ZNF556: variants seen among roughly 807,000 people sequenced by gnomAD.
ZNF556 encodes zinc finger protein 556.
Under a neutral mutation model 13.6 loss-of-function variants are expected in ZNF556, and 11 were observed. The ratio of observed to expected loss-of-function variants is 0.81; its 90% CI spans 0.51 to 1.33. ZNF556 has a LOEUF of 1.33. Among genes scored for constraint, ZNF556 ranks in the 40% most tolerant of loss-of-function variants. The pLI is 0.00. For synonymous variants in ZNF556, 229 were observed against 207.8 expected, an observed-to-expected ratio of 1.10 and a Z score of -0.88; for missense variants, 633 against 566.2, an observed-to-expected ratio of 1.12 and a Z score of -1.20.
chr19:2,871,065 A>G (rs377758762), intron 1 of ZNF556, among the ~76,000 whole-genome samples: 1 of 150,688 alleles, frequency 6.6e-6, no homozygotes, highest in East Asian at 2.0e-4. Flanking sequence ...TCTAAAGACT[A>G]TGACACAGGA....
Position 2,877,566 on chromosome 19 carries a change from A to C in ZNF556, c.608A>C (p.Tyr203Ser), listed in dbSNP as rs758662183. Residue 203 changes from tyrosine to serine, a missense_variant, in exon 4 of 4, where the codon TAT becomes TCT. Physicochemically the swap from Tyr to Ser is moderately radical, Grantham distance 144. Coordinates refer to ENST00000307635, the MANE Select transcript of ZNF556 (RefSeq NM_024967.3). The part of the protein sequence containing the change: ...HEKTHSGEKP[Y>S]ACQSCGKTFL... ...AAAACTCACAGTGGAGAGAAACCCT[A>C]TGCCTGTCAATCTTGCGGGAAGACA... The C allele has an allele frequency of 1.3e-5, 21 of 1,614,090 alleles. No homozygotes were observed. The Middle Eastern group carries it at 4.9e-4, about 38-fold the overall frequency.
Position 2,877,346 on chromosome 19 carries a change from C to A in ZNF556, c.388C>A (p.Arg130=), listed in dbSNP as rs751805727. Reference sequence around the variant, plus strand: ...ACGTGGAAGAACCTTCAGAAAGACTCGAAATTGTAATCGTCATCTGCGCAA... The same window carrying A: ...ACGTGGAAGAACCTTCAGAAAGACTAGAAATTGTAATCGTCATCTGCGCAA... ...NKRGRTFRKT[R]NCNRHLRKNC... Residue 130 remains arginine, a synonymous_variant, in exon 4 of 4, where the codon CGA becomes AGA. Coordinates refer to ENST00000307635, the MANE Select transcript of ZNF556 (RefSeq NM_024967.3). The A allele has an allele frequency of 1.2e-6, 2 of 1,614,040 alleles. No homozygotes were observed. The highest frequency in any genetic ancestry group is 1.7e-6 in the Non-Finnish European group (2 of 1,180,036).
chr19:2,870,014 G>C (rs1014000371), intron 1 of ZNF556, among the ~76,000 whole-genome samples: 3 of 152,066 alleles, frequency 2.0e-5, no homozygotes, highest in Non-Finnish European at 4.4e-5. Flanking sequence ...CTTCCATAGG[G>C]CCTAACCTCT....
At position 2,877,533 on chromosome 19, in the gene ZNF556, C is replaced by A; in HGVS notation, c.575C>A (p.Thr192Lys). 2.5e-6 allele frequency: 4 copies of A among 1,614,036 alleles called. No individual in the cohort carries two copies. Among genetic ancestry groups the A allele is most frequent in the Non-Finnish European group, 3.4e-6 (4 of 1,180,020 alleles). ...KAFSRPSYLQ[T>K]HEKTHSGEKP... ...TTCAGTCGCCCTTCCTACCTACAGACGCATGAGAAAACTCACAGTGGAGAG... is the reference window on the plus strand; with the variant it reads ...TTCAGTCGCCCTTCCTACCTACAGAAGCATGAGAAAACTCACAGTGGAGAG... Residue 192 changes from threonine to lysine, a missense_variant, in exon 4 of 4, where the codon ACG (threonine) becomes AAG (lysine). Transcript: ENST00000307635.
At chr19:2,872,072 C>G (rs1274608646) in intron 1 of ZNF556, among the ~76,000 whole-genome samples, 1 of 152,098 alleles carries the variant, frequency 6.6e-6, no homozygotes, top group Non-Finnish European at 1.5e-5. Context: ...GAAGGCAGAG[C>G]CAGGTGTACA....
Position 2,878,518 on chromosome 19 carries a change from T to C in ZNF556, c.*189T>C. 2.2e-6 allele frequency: 1 copy of C among 464,348 alleles called. No individual in the cohort carries two copies. Among genetic ancestry groups the C allele is most frequent in the Non-Finnish European group, 3.7e-6 (1 of 267,872 alleles). 28.8% of individuals were successfully genotyped at this position (464,348 alleles called of 1,614,324 possible). A position where few individuals can be genotyped will look rare whatever the true frequency, so the allele number is the denominator to read the frequency against. On this transcript the variant is annotated 3_prime_UTR_variant, in exon 4 of 4. Transcript: ENST00000307635. Reference sequence around the variant, plus strand: ...CCGTCTCTACTAAAAAAAAAAAAAATACAAAAAATTAGCCGGGCGTGGTGG... The same window carrying C: ...CCGTCTCTACTAAAAAAAAAAAAAACACAAAAAATTAGCCGGGCGTGGTGG...
intron 2 of ZNF556, among the ~76,000 whole-genome samples, chr19:2,875,806 TA>T (rs1473660899): frequency 2.7e-5 from 4 of 150,878 alleles, no homozygotes; most frequent in Admixed American, 6.6e-5. Context: ...CTACTAAAAA[TA>T]AAAAAAATTA....
intron 2 of ZNF556, among the ~76,000 whole-genome samples, chr19:2,874,709 A>G (rs2087834788): frequency 7.0e-6 from 1 of 143,662 alleles, no homozygotes; most frequent in Non-Finnish European, 1.5e-5. Flanking sequence ...GTATCACTGC[A>G]CTCCAGCCTG....
At position 2,876,825 on chromosome 19, in the gene ZNF556, G is replaced by A. The variant is rs73519556; in HGVS notation, c.315-448G>A. On this transcript the variant is annotated intron_variant, in intron 3 of 3. Transcript: ENST00000307635. ...GTTGAACTATCTACCAGAGTATTTCGTTTATTCTAGTTTGAAATAATTTCA... is the reference window on the plus strand; with the variant it reads ...GTTGAACTATCTACCAGAGTATTTCATTTATTCTAGTTTGAAATAATTTCA... Among the ~76,000 whole-genome samples the A allele has an allele frequency of 7.6e-3, 1,160 of 152,162 alleles. 11 individuals carry two copies. Among genetic ancestry groups the A allele is most frequent in the African/African-American group, 0.026 (1,097 of 41,516 alleles).
Position 2,878,990 on chromosome 19 carries a change from G to T in ZNF556, c.*661G>T, listed in dbSNP as rs1412672554. On this transcript the variant is annotated 3_prime_UTR_variant, in exon 4 of 4. Coordinates refer to ENST00000307635, the MANE Select transcript of ZNF556 (RefSeq NM_024967.3). ...ATATATTTTTTTTGTTACTCCGTGT[G>T]AGGCCATTAGACCAATGAAATATGG... 1 of 152,108 alleles carries T rather than the reference G, an allele frequency of 6.6e-6. No individual in the cohort carries two copies. The highest frequency in any genetic ancestry group is 1.5e-5 in the Non-Finnish European group (1 of 68,036). 9.4% of individuals were successfully genotyped at this position (152,108 alleles called of 1,614,324 possible).
rs201408694 is a variant in ZNF556 at position 2,873,577 on chromosome 19, T to C, written c.85T>C (p.Tyr29His). 7 of 1,614,090 alleles carry C rather than the reference T, an allele frequency of 4.3e-6. No homozygotes were observed. The highest frequency in any genetic ancestry group is 5.9e-6 in the Non-Finnish European group (7 of 1,180,030). The change falls in exon 2 of 4, where the codon TAC (tyrosine) becomes CAC (histidine). Residue 29 changes from tyrosine (Y) to histidine (H), a missense_variant. Coordinates refer to ENST00000307635, the MANE Select transcript of ZNF556 (RefSeq NM_024967.3). The part of the protein sequence containing the change: ...ALLNPAQRKL[Y>H]RDVMLETFKH... ...GCTGAATCCTGCTCAGAGAAAACTC[T>C]ACAGAGATGTCATGCTGGAGACCTT...
intron 1 of ZNF556, among the ~76,000 whole-genome samples, chr19:2,868,481 C>T (rs1031506372): frequency 3.3e-5 from 5 of 151,982 alleles, no homozygotes; most frequent in Non-Finnish European, 7.4e-5. Context: ...GGCGCGATCT[C>T]GGCTCACTGC....
chr19:2,869,954 T>A (rs944388460), intron 1 of ZNF556, among the ~76,000 whole-genome samples: 2 of 152,162 alleles, frequency 1.3e-5, no homozygotes, highest in African/African-American at 2.4e-5. Context: ...CATTCCCCTC[T>A]GTCCAGTCAC....
intron 1 of ZNF556, among the ~76,000 whole-genome samples, chr19:2,872,650 C>T (rs893326266): frequency 3.3e-5 from 5 of 151,896 alleles, no homozygotes; most frequent in African/African-American, 9.7e-5. Flanking sequence ...TCTCTTGCCT[C>T]GGCACCTGGG....
Position 2,876,960 on chromosome 19 carries a change from C to T in ZNF556, c.315-313C>T, listed in dbSNP as rs537524682. Among the ~76,000 whole-genome samples, 336 of 152,122 alleles carry T rather than the reference C, an allele frequency of 2.2e-3. 2 individuals carry two copies. The highest frequency in any genetic ancestry group is 7.4e-3 in the African/African-American group (309 of 41,516). On this transcript the variant is annotated intron_variant, in intron 3 of 3. Coordinates refer to ENST00000307635, the MANE Select transcript of ZNF556 (RefSeq NM_024967.3). The stretch of plus-strand genomic sequence containing the variant: ...CGGTGCAGTGGCTTATGCCTGTAAT[C>T]CCAGCACTTTGAGAGGCCAAGGTAG...
Position 2,877,515 on chromosome 19 carries a change from G to A in ZNF556, c.557G>A (p.Arg186His), listed in dbSNP as rs202141702. The stretch of plus-strand genomic sequence containing the variant: ...AAGGAATGTGGGAAAGCCTTCAGTC[G>A]CCCTTCCTACCTACAGACGCATGAG... ...KCKECGKAFS[R>H]PSYLQTHEKT... The change falls in exon 4 of 4, where the codon CGC (arginine) becomes CAC (histidine). Residue 186 changes from arginine (R) to histidine (H), a missense_variant. By Grantham distance (29) the Arg-to-His change is conservative. Coordinates refer to ENST00000307635, the MANE Select transcript of ZNF556 (RefSeq NM_024967.3). The A allele has an allele frequency of 9.1e-5, 147 of 1,614,002 alleles. 1 individual carries two copies. The highest frequency in any genetic ancestry group is 2.5e-4 in the African/African-American group (19 of 74,910).
At chr19:2,867,458 A>T (rs1425806192) in intron 1 of ZNF556, 34 bp downstream of exon 1, 1 of 1,576,534 alleles carries the variant, frequency 6.3e-7, no homozygotes, top group African/African-American at 1.3e-5. Flanking sequence ...CCGGAGCCGG[A>T]GCCCTGGGAG....
At position 2,878,411 on chromosome 19, in the gene ZNF556, C is replaced by G. The variant is rs537831213; in HGVS notation, c.*82C>G. On this transcript the variant is annotated 3_prime_UTR_variant, in exon 4 of 4. Coordinates refer to ENST00000307635, the MANE Select transcript of ZNF556 (RefSeq NM_024967.3). ...GAGGGCCGGGCGCAGTGGCTCACGC[C>G]TGTAATCCCAGCACTTTGGGAGGCC... The G allele has an allele frequency of 2.8e-6, 4 of 1,419,460 alleles. No homozygotes were observed. The Admixed American group carries it at 6.2e-5, about 22-fold the overall frequency. 87.9% of individuals were successfully genotyped at this position (1,419,460 alleles called of 1,614,324 possible).
chr19:2,870,194 C>T (rs2087790447), intron 1 of ZNF556, among the ~76,000 whole-genome samples: 1 of 152,220 alleles, frequency 6.6e-6, no homozygotes, highest in African/African-American at 2.4e-5. Context: ...TGCCTGTAAT[C>T]CCAGCACTTT....
Sources: gnomAD v4.1 joint callset for allele counts (sites outside exome capture counted in the v4.1 genomes callset) on GRCh38, gnomAD v4.1.1 for gene constraint, MANE v1.5 for transcripts, NCBI Gene and HGNC (gene_info 2026-07-23, HGNC 2026-07-21) for gene names.